ZBTB7C: variants seen among roughly 807,000 people sequenced by gnomAD.
The protein encoded by ZBTB7C is zinc finger and BTB domain containing 7C, also known as zinc finger and BTB domain-containing protein 7C.
In ZBTB7C, 8 loss-of-function variants were observed where a neutral mutation model predicts 25.7. That is an observed-to-expected ratio of 0.31 (90% CI 0.18 to 0.56). The LOEUF is 0.56. Among genes scored for constraint, ZBTB7C ranks in the 20% least tolerant of loss-of-function variants. The pLI is 0.91. For synonymous variants in ZBTB7C, 394 were observed against 369.0 expected, an observed-to-expected ratio of 1.07 and a Z score of -0.78; for missense variants, 824 against 855.2, an observed-to-expected ratio of 0.96 and a Z score of 0.46.
At chr18:48,361,832 T>C (rs1327870712) in intron 1 of ZBTB7C, among the ~76,000 whole-genome samples, 3 of 152,160 alleles carry the variant, frequency 2.0e-5, no homozygotes, top group African/African-American at 7.2e-5. Flanking sequence ...TGAAGGTTCA[T>C]GGGATAAGCC....
chr18:48,192,556 C>T (rs759020855), intron 2 of ZBTB7C, among the ~76,000 whole-genome samples: 3 of 152,216 alleles, frequency 2.0e-5, no homozygotes, highest in Non-Finnish European at 2.9e-5. Context: ...CACCATCTCC[C>T]GGGTTCAAGT....
At chr18:48,042,235 C>CT (rs1328269122) in intron 3 of ZBTB7C, among the ~76,000 whole-genome samples, 1 of 152,194 alleles carries the variant, frequency 6.6e-6, no homozygotes, top group African/African-American at 2.4e-5. Flanking sequence ...GAGACAGAAA[C>CT]TAAACAAACA....
At chr18:48,116,294 G>A (rs2039438297) in intron 3 of ZBTB7C, among the ~76,000 whole-genome samples, 2 of 152,114 alleles carry the variant, frequency 1.3e-5, no homozygotes, top group Non-Finnish European at 2.9e-5. Flanking sequence ...GCAATGAAAT[G>A]TAACTTATCT....
At chr18:48,221,638 CCTCTATACTGTCCTAATCTCCTT>C in intron 2 of ZBTB7C, among the ~76,000 whole-genome samples, 1 of 151,126 alleles carries the variant, frequency 6.6e-6, no homozygotes, top group South Asian at 2.1e-4. Context: ...GTCCTAGTCT[CCTCTATACTGTCCTAATCTCCTT>C]TATACTGTCC....
intron 2 of ZBTB7C, among the ~76,000 whole-genome samples, chr18:48,201,264 T>C (rs891698649): frequency 1.3e-5 from 2 of 152,166 alleles, no homozygotes; most frequent in African/African-American, 4.8e-5. Flanking sequence ...ATTGTTCTTT[T>C]AAAAAACATC....
chr18:48,123,793 T>C (rs932704394), intron 3 of ZBTB7C, among the ~76,000 whole-genome samples: 4 of 152,240 alleles, frequency 2.6e-5, no homozygotes, highest in Non-Finnish European at 5.9e-5. Context: ...GATGCATCCT[T>C]ATAAAAGAGC....
intron 2 of ZBTB7C, among the ~76,000 whole-genome samples, chr18:48,304,999 T>C (rs1387312916): frequency 6.6e-6 from 1 of 152,166 alleles, no homozygotes; most frequent in Non-Finnish European, 1.5e-5. Flanking sequence ...CTTTGTTACC[T>C]TTAATTAGCT....
chr18:48,304,956 T>A (rs1258631443), intron 2 of ZBTB7C, among the ~76,000 whole-genome samples: 1 of 152,070 alleles, frequency 6.6e-6, no homozygotes, highest in Non-Finnish European at 1.5e-5. Flanking sequence ...TGAACAGGCC[T>A]GACTCTGCAG....
At chr18:48,245,092 G>GTA (rs1397704476) in intron 2 of ZBTB7C, among the ~76,000 whole-genome samples, 10 of 126,328 alleles carry the variant, frequency 7.9e-5, no homozygotes, top group African/African-American at 1.6e-4. Context: ...GTGTGTGTGT[G>GTA]TATATATATA....
At chr18:48,268,984 A>AGGGTCTT (rs2044396275) in intron 2 of ZBTB7C, among the ~76,000 whole-genome samples, 1 of 134,528 alleles carries the variant, frequency 7.4e-6, no homozygotes, top group South Asian at 2.3e-4. Flanking sequence ...TTTTTGAGAC[A>AGGGTCTT]GGGTCTTGCT....
intron 2 of ZBTB7C, among the ~76,000 whole-genome samples, chr18:48,292,812 A>G (rs540019335): frequency 6.6e-6 from 1 of 152,354 alleles, no homozygotes; most frequent in Admixed American, 6.5e-5. Context: ...CAGCAAGGTG[A>G]GAAAAAGAAA....
intron 3 of ZBTB7C, among the ~76,000 whole-genome samples, chr18:48,088,598 T>C (rs9964878): frequency 0.29 from 43,552 of 151,888 alleles, 6,325 homozygotes; most frequent in East Asian, 0.36. Flanking sequence ...GAGGCTAAGG[T>C]GGGTGGATCA....
chr18:48,079,825 C>T (rs990691348), intron 3 of ZBTB7C, among the ~76,000 whole-genome samples: 74 of 152,196 alleles, frequency 4.9e-4, no homozygotes, highest in Admixed American at 7.2e-4. Flanking sequence ...ACAGGGGAGC[C>T]GGGGAAGAGG....
intron 2 of ZBTB7C, among the ~76,000 whole-genome samples, chr18:48,332,638 A>G (rs2046364942): frequency 7.8e-6 from 1 of 128,798 alleles, no homozygotes; most frequent in Non-Finnish European, 1.7e-5. Flanking sequence ...ACCCTTTCCT[A>G]GTCTGTTTTT....
rs550165380 is a variant in ZBTB7C at position 48,028,352 on chromosome 18, T to C, written c.*908A>G. 1 of 152,198 alleles carries C rather than the reference T, an allele frequency of 6.6e-6. No individual in the cohort carries two copies. The highest frequency in any genetic ancestry group is 1.5e-5 in the Non-Finnish European group (1 of 68,050). The allele number at this position is 152,198 out of a possible 1,614,324, so 9.4% of individuals were successfully genotyped here. Reference sequence around the variant, plus strand: ...GGGAAGGTAGGGTAGCATTCTGAGTTCGCAGAGCTACCTGTGGGCTTTGCT... The same window carrying C: ...GGGAAGGTAGGGTAGCATTCTGAGTCCGCAGAGCTACCTGTGGGCTTTGCT... On this transcript the variant is annotated 3_prime_UTR_variant, in exon 5 of 5. Transcript: ENST00000590800.
intron 3 of ZBTB7C, among the ~76,000 whole-genome samples, chr18:48,069,431 A>C (rs2037461217): frequency 6.6e-6 from 1 of 152,106 alleles, no homozygotes; most frequent in East Asian, 1.9e-4. Flanking sequence ...TGCCTTGTGT[A>C]GTCCTTGAGT....
rs1285564106 is a variant in ZBTB7C, at chr18:48,409,350, C to CA, written c.-429dup. 3 of 148,408 alleles carry CA rather than the reference C, an allele frequency of 2.0e-5. No homozygotes were observed. The allele number at this position is 148,408 out of a possible 1,614,324, so 9.2% of individuals were successfully genotyped here. On this transcript the variant is annotated 5_prime_UTR_variant, in exon 1 of 5. Transcript: ENST00000590800. ...CGAGCCTCGCCGGCCGCGCCGCTGT[C>CA]AGAGTCTCGTGGCGGGGCTGCGCCG...
chr18:48,311,409 A>C (rs1040509533), intron 2 of ZBTB7C, among the ~76,000 whole-genome samples: 1 of 152,222 alleles, frequency 6.6e-6, no homozygotes, highest in Non-Finnish European at 1.5e-5. Flanking sequence ...GGTCTGTTAT[A>C]GTCACTCTCA....
chr18:48,273,855 A>AT (rs2044562086), intron 2 of ZBTB7C, among the ~76,000 whole-genome samples: 1 of 152,138 alleles, frequency 6.6e-6, no homozygotes, highest in African/African-American at 2.4e-5. Flanking sequence ...AATATGAGTG[A>AT]TTTTTTATTT....
Sources: gnomAD v4.1 joint callset for allele counts (sites outside exome capture counted in the v4.1 genomes callset) on GRCh38, gnomAD v4.1.1 for gene constraint, MANE v1.5 for transcripts, NCBI Gene and HGNC (gene_info 2026-07-23, HGNC 2026-07-21) for gene names.